MAN1A1: variants seen among roughly 807,000 people sequenced by gnomAD.
MAN1A1 encodes mannosyl-oligosaccharide 1,2-alpha-mannosidase IA.
Under a neutral mutation model 70.8 loss-of-function variants are expected in MAN1A1, and 29 were observed. The observed-to-expected ratio is 0.41, with a 90% CI of 0.31 to 0.56. The LOEUF (loss-of-function observed/expected upper bound fraction) is 0.56. MAN1A1 is among the 20% of genes least tolerant of loss of function. The pLI is 0.29. For synonymous variants in MAN1A1, 349 were observed against 330.1 expected (o/e 1.06, Z -0.62); for missense variants, 747 against 841.3 (o/e 0.89, Z 1.39).
In MAN1A1 at chr6:119,213,344, T is replaced by C. The variant is rs529470385; in HGVS notation, c.993-8462A>G. Among the ~76,000 whole-genome samples, 3 of 152,330 alleles carry C rather than the reference T, an allele frequency of 2.0e-5. No individual in the cohort carries two copies. The South Asian group carries it at 6.2e-4, about 32-fold the overall frequency. Reference sequence around the variant, plus strand: ...TTTCCTTCCTTCTGCCTACAACTTATGGTTTGGAGGTTGTTGGATGCTGTG... The same window carrying C: ...TTTCCTTCCTTCTGCCTACAACTTACGGTTTGGAGGTTGTTGGATGCTGTG... On this transcript the variant is annotated intron_variant, in intron 6 of 12. Transcript: ENST00000368468.
At chr6:119,186,199 ATTCCCC>A (rs1322371290) in intron 11 of MAN1A1, among the ~76,000 whole-genome samples, 1 of 152,164 alleles carries the variant, frequency 6.6e-6, no homozygotes, top group Admixed American at 6.5e-5. Flanking sequence ...TAGGTGATAC[ATTCCCC>A]TTTGCTGGAA....
In MAN1A1 at chr6:119,349,225, T is replaced by C; in HGVS notation, c.-160A>G. 8.2e-7 allele frequency: 1 copy of C among 1,213,002 alleles called. No individual in the cohort carries two copies. Among genetic ancestry groups the C allele is most frequent in the Non-Finnish European group, 1.0e-6 (1 of 976,358 alleles). 75.1% of individuals were successfully genotyped at this position (1,213,002 alleles called of 1,614,324 possible). On this transcript the variant is annotated 5_prime_UTR_variant, in exon 2 of 13. Transcript: ENST00000368468. ...CCTGGGGGAACAACTCCGCGCCGGG[T>C]CTTCTCCCCGGGGCGGCTCCTCGGG...
chr6:119,345,463 T>G (rs1043406411), intron 2 of MAN1A1, among the ~76,000 whole-genome samples: 15 of 152,210 alleles, frequency 9.9e-5, no homozygotes, highest in Non-Finnish European at 1.9e-4. Flanking sequence ...AGGAAGATCT[T>G]AATTCTATTT....
chr6:119,262,769 T>A (rs573645371), intron 5 of MAN1A1, among the ~76,000 whole-genome samples: 27 of 152,232 alleles, frequency 1.8e-4, no homozygotes, highest in African/African-American at 6.3e-4. Flanking sequence ...AGGTGGTACA[T>A]AAACCATGGA....
intron 5 of MAN1A1, among the ~76,000 whole-genome samples, chr6:119,249,367 T>A (rs1775257218): frequency 6.6e-6 from 1 of 152,132 alleles, no homozygotes; most frequent in African/African-American, 2.4e-5. Flanking sequence ...TTTAGGAAGA[T>A]TAATTAGATG....
At chr6:119,284,286 A>T (rs1776301013) in intron 5 of MAN1A1, among the ~76,000 whole-genome samples, 2 of 152,126 alleles carry the variant, frequency 1.3e-5, no homozygotes, top group Non-Finnish European at 2.9e-5. Context: ...GCCCAATCTG[A>T]TAAGCACCAT....
chr6:119,233,463 C>A (rs1157319726), intron 6 of MAN1A1, among the ~76,000 whole-genome samples: 1 of 152,056 alleles, frequency 6.6e-6, no homozygotes, highest in African/African-American at 2.4e-5. Context: ...GGATCAAAGT[C>A]CACTTAATGT....
chr6:119,299,031 T>A (rs1333503780), intron 4 of MAN1A1, among the ~76,000 whole-genome samples: 1 of 152,022 alleles, frequency 6.6e-6, no homozygotes, highest in Non-Finnish European at 1.5e-5. Flanking sequence ...CTTTTTTTTT[T>A]GCTAAGGCTT....
At chr6:119,349,469 G>A (rs980171547) in intron 1 of MAN1A1, 73 bp downstream of exon 1, 22 of 941,954 alleles carry the variant, frequency 2.3e-5, no homozygotes, top group Non-Finnish European at 2.8e-5. Context: ...CAGGTCCCGT[G>A]GGTAGGGGAG....
chr6:119,305,498 A>C lies in MAN1A1; in HGVS notation c.700+1398T>G, dbSNP rs2114447645. On this transcript the variant is annotated intron_variant, in intron 3 of 12. Transcript: ENST00000368468. ...TGTTAACTGGTAGCTGGGTCCTAAA[A>C]ACACTACTTTAGAAGTGTCTGGAAT... Among the ~76,000 whole-genome samples, 4 of 151,660 alleles carry C rather than the reference A, an allele frequency of 2.6e-5. No homozygotes were observed. In the Middle Eastern group the frequency reaches 0.014, roughly 519 times the overall value.
intron 2 of MAN1A1, chr6:119,327,234 T>C (rs944238268): frequency 1.3e-5 from 2 of 152,202 alleles, no homozygotes; most frequent in African/African-American, 4.8e-5. Context: ...GAGATTCAGC[T>C]GAACAGGACT....
At chr6:119,225,735 A>G (rs1385283300) in intron 6 of MAN1A1, among the ~76,000 whole-genome samples, 1 of 152,256 alleles carries the variant, frequency 6.6e-6, no homozygotes, top group Admixed American at 6.5e-5. Flanking sequence ...CAAGAATGGC[A>G]TCTTCAAAAT....
chr6:119,262,061 G>T (rs1471783200), intron 5 of MAN1A1, among the ~76,000 whole-genome samples: 1 of 152,184 alleles, frequency 6.6e-6, no homozygotes, highest in African/African-American at 2.4e-5. Flanking sequence ...CAGATGGGTG[G>T]CAGTGCAGAG....
At chr6:119,205,183 T>C (rs1157491685) in intron 6 of MAN1A1, among the ~76,000 whole-genome samples, 2 of 152,190 alleles carry the variant, frequency 1.3e-5, no homozygotes, top group African/African-American at 4.8e-5. Flanking sequence ...CCATTCCACA[T>C]AGAATATAAA....
At chr6:119,217,244 T>C (rs977496613) in intron 6 of MAN1A1, among the ~76,000 whole-genome samples, 11 of 152,300 alleles carry the variant, frequency 7.2e-5, no homozygotes, top group Admixed American at 2.0e-4. Flanking sequence ...ATTTATTTAA[T>C]CATAAGCTTC....
At chr6:119,301,159 T>C (rs185661356) in intron 4 of MAN1A1, among the ~76,000 whole-genome samples, 3 of 152,336 alleles carry the variant, frequency 2.0e-5, no homozygotes, top group African/African-American at 4.8e-5. Context: ...TTTACGAGAA[T>C]TTCTGCAAAG....
rs764869202 is a variant in MAN1A1, at chr6:119,349,036, G to T, written c.30C>A (p.Phe10Leu). The T allele has an allele frequency of 7.5e-7, 1 of 1,339,266 alleles. No homozygotes were observed. Among genetic ancestry groups the T allele is most frequent in the South Asian group, 2.1e-5 (1 of 48,678 alleles). 83.0% of individuals were successfully genotyped at this position (1,339,266 alleles called of 1,614,324 possible). A position where few individuals can be genotyped will look rare whatever the true frequency, so the allele number is the denominator to read the frequency against. The change falls in exon 2 of 13, where the codon TTC becomes TTA. Residue 10 changes from phenylalanine (F) to leucine (L), a missense_variant. By Grantham distance (22) the Phe-to-Leu change is conservative. Transcript: ENST00000368468. ...CCAGGACGCCGCCCGCGGGGCTGCT[G>T]AAGAGCGGCAACAGGCCCCCCACGG... MPVGGLLPL[F>L]SSPAGGVLGG...
At chr6:119,329,132 C>G (rs532406033) in intron 2 of MAN1A1, among the ~76,000 whole-genome samples, 99 of 152,280 alleles carry the variant, frequency 6.5e-4, no homozygotes, top group African/African-American at 2.3e-3. Context: ...ACTCCACCCC[C>G]CTGGCCATAG....
chr6:119,189,064 CATAT>C (rs1773369281), intron 10 of MAN1A1, among the ~76,000 whole-genome samples: 1 of 152,130 alleles, frequency 6.6e-6, no homozygotes. Flanking sequence ...ATATAATATT[CATAT>C]ACTTAAACAA....
Sources: allele counts gnomAD v4.1 joint callset (sites outside exome capture counted in the v4.1 genomes callset), GRCh38; gene constraint gnomAD v4.1.1; transcripts MANE v1.5; gene names NCBI Gene and HGNC (gene_info 2026-07-23, HGNC 2026-07-21).